RNF44: variants seen among roughly 807,000 people sequenced by gnomAD.
The protein encoded by RNF44 is ring finger protein 44.
Under a neutral mutation model 53.6 loss-of-function variants are expected in RNF44, and 25 were observed. The ratio of observed to expected loss-of-function variants is 0.47; its 90% confidence interval spans 0.34 to 0.65. The LOEUF is 0.65. Ranked by LOEUF, RNF44 falls within the 30% of genes least tolerant of loss-of-function variation. The probability of loss-of-function intolerance (pLI) is 0.01; values close to 1 mark genes in which losing one functional copy is unlikely to be tolerated. For missense variants in RNF44, 581 were observed against 595.5 expected (o/e 0.98, Z 0.25); for synonymous variants, 282 against 252.2 (o/e 1.12, Z -1.12).
intron 9 of RNF44, 52 bp downstream of exon 9, chr5:176,529,471 C>A: frequency 6.2e-7 from 1 of 1,608,636 alleles, no homozygotes; most frequent in Admixed American, 1.7e-5. Context: ...GAGGGGCGTC[C>A]CACGGCAGCC....
upstream of RNF44, among the ~76,000 whole-genome samples, chr5:176,540,579 G>A (rs990049140): frequency 2.6e-5 from 4 of 152,228 alleles, no homozygotes; most frequent in African/African-American, 9.6e-5. Flanking sequence ...CATGAGAGCA[G>A]AAGACCATCT....
chr5:176,529,033 C>T lies in RNF44; in HGVS notation c.1294G>A (p.Glu432Lys). The T allele has an allele frequency of 6.2e-7, 1 of 1,612,200 alleles. No individual in the cohort carries two copies. The highest frequency in any genetic ancestry group is 8.5e-7 in the Non-Finnish European group (1 of 1,179,726). Reference protein sequence around the residue: ...ADASEVPREAE With the variant: ...ADASEVPREAK Reference sequence around the variant, plus strand: ...GGGCAGGCGGCTGCGTGGCCTCACTCAGCCTCCCTGGGCACCTCGGAGGCG... The same window carrying T: ...GGGCAGGCGGCTGCGTGGCCTCACTTAGCCTCCCTGGGCACCTCGGAGGCG... Residue 432 changes from glutamate to lysine, a missense_variant, in exon 11 of 11, where the codon GAG (glutamate) becomes AAG (lysine). Transcript: ENST00000274811.
rs1437463992 is a variant in RNF44, at chr5:176,528,095, C to G, written c.*933G>C. ...GGCACACGCATGCATGCAGGCCGGC[C>G]AGCATGACCGTGCTCGGCCCCCTGG... On this transcript the variant is annotated 3_prime_UTR_variant, in exon 11 of 11. Coordinates refer to ENST00000274811, the MANE Select transcript of RNF44 (RefSeq NM_014901.5). 1 of 152,406 alleles carries G rather than the reference C, an allele frequency of 6.6e-6. No individual in the cohort carries two copies. The highest frequency in any genetic ancestry group is 1.5e-5 in the Non-Finnish European group (1 of 68,036). The allele number at this position is 152,406 out of a possible 1,614,324, so 9.4% of individuals were successfully genotyped here.
chr5:176,539,596 G>A (rs1349106520), upstream of RNF44, among the ~76,000 whole-genome samples: 2 of 152,068 alleles, frequency 1.3e-5, no homozygotes, highest in Non-Finnish European at 2.9e-5. Context: ...GCTGAGGCAG[G>A]AGAATCGCTT....
At chr5:176,539,987 A>G (rs1757411445), upstream of RNF44, among the ~76,000 whole-genome samples, 1 of 151,820 alleles carries the variant, frequency 6.6e-6, no homozygotes, top group Non-Finnish European at 1.5e-5. Flanking sequence ...CTGCCAATCC[A>G]TTTCACTTTT....
At chr5:176,530,542 G>C in intron 6 of RNF44, 40 bp downstream of exon 6, 1 of 1,389,786 alleles carries the variant, frequency 7.2e-7, no homozygotes, top group Non-Finnish European at 9.3e-7. Flanking sequence ...CTGCCTCCCA[G>C]CTGCCCTGGA....
intron 8 of RNF44, 21 bp from the exon 9 acceptor site, chr5:176,529,665 G>C (rs768670442): frequency 6.2e-7 from 1 of 1,613,244 alleles, no homozygotes; most frequent in Non-Finnish European, 8.5e-7. Flanking sequence ...GCAGGAGACG[G>C]GGTCAGCGGC....
In RNF44 at chr5:176,531,582, T is replaced by G. The variant is rs553268338; in HGVS notation, c.346A>C (p.Thr116Pro). 53 of 1,613,522 alleles carry G rather than the reference T, an allele frequency of 3.3e-5. No homozygotes were observed. The highest frequency in any genetic ancestry group is 3.2e-4 in the Admixed American group (19 of 59,960). Reference protein sequence around the residue: ...PLSYTVTTVTTQGFPLPTGQH... With the variant: ...PLSYTVTTVTPQGFPLPTGQH... ...CCTGTAGGCAAGGGGAAGCCTTGGGTCGTCACTGTGGTGACCGTGTAGGAC... is the reference window on the plus strand; with the variant it reads ...CCTGTAGGCAAGGGGAAGCCTTGGGGCGTCACTGTGGTGACCGTGTAGGAC... Residue 116 changes from threonine (T) to proline (P), a missense_variant, in exon 4 of 11, where the codon ACC becomes CCC. By Grantham distance (38) the Thr-to-Pro change is conservative (BLOSUM62 -1). Around this residue, in one of 3 missense-constraint regions of RNF44, gnomAD observed 387 missense variants for 366.0 expected, o/e 1.06. Coordinates refer to ENST00000274811, the MANE Select transcript of RNF44 (RefSeq NM_014901.5). The surrounding 1 kb of genome is among the most constrained non-coding windows in gnomAD (Gnocchi z 4.2).
upstream of RNF44, among the ~76,000 whole-genome samples, chr5:176,539,751 T>C (rs1757405335): frequency 6.6e-6 from 1 of 151,982 alleles, no homozygotes; most frequent in Non-Finnish European, 1.5e-5. Context: ...ACTGCCTGCC[T>C]GTCCTTATGG....
chr5:176,541,151 G>A (rs754476075), upstream of RNF44, among the ~76,000 whole-genome samples: 3 of 152,232 alleles, frequency 2.0e-5, no homozygotes, highest in African/African-American at 2.4e-5. Context: ...TCAGATGGGA[G>A]TGGCCCACCT....
chr5:176,531,799 G>A lies in RNF44; in HGVS notation c.298-169C>T, dbSNP rs967896084. The stretch of plus-strand genomic sequence containing the variant: ...CCTCTACTCCCAGGCCCCCGGGGCA[G>A]AGAAAGCCCCGTGGGAATCTAGCTC... On this transcript the variant is annotated intron_variant, in intron 3 of 10. Coordinates refer to ENST00000274811, the MANE Select transcript of RNF44 (RefSeq NM_014901.5). The surrounding 1 kb of genome is among the most constrained non-coding windows in gnomAD (Gnocchi z 4.2). The A allele has an allele frequency of 3.4e-6, 3 of 873,916 alleles. No homozygotes were observed. The East Asian group carries it at 8.1e-5, about 24-fold the overall frequency. The allele number at this position is 873,916 out of a possible 1,614,324, so 54.1% of individuals were successfully genotyped here.
chr5:176,532,227 A>C (rs766211329), intron 2 of RNF44, 34 bp from the exon 3 acceptor site: 1 of 1,491,754 alleles, frequency 6.7e-7, no homozygotes. Flanking sequence ...GATAGGACTG[A>C]GGGGGGCCAC....
intron 1 of RNF44, among the ~76,000 whole-genome samples, chr5:176,533,792 C>T (rs1018851030): frequency 1.2e-4 from 19 of 152,200 alleles, no homozygotes; most frequent in Non-Finnish European, 2.2e-4. Context: ...AAAGTTGGGA[C>T]GAGGCCCTGG....
Position 176,530,917 on chromosome 5 carries a change from T to TGGTGTGGGGGGGGGGGGGGGGGGGG in RNF44, c.569_570insCCCCCCCCCCCCCCCCCCCCACACC (p.Gln193ProfsTer147). On this transcript the variant is annotated frameshift_variant, in exon 5 of 11. Transcript: ENST00000274811. LOFTEE classifies it high-confidence loss of function. ...GCGCCATGTGGGTGGGCTGGGGGGG[T>TGGTGTGGGGGGGGGGGGGGGGGGGG]GGGGCCGGTGGTGGGGGGTGCAGGA... 4.3e-6 allele frequency: 1 copy of TGGTGTGGGGGGGGGGGGGGGGGGGG among 232,856 alleles called. No homozygotes were observed. Among genetic ancestry groups the TGGTGTGGGGGGGGGGGGGGGGGGGG allele is most frequent in the Non-Finnish European group, 7.0e-6 (1 of 143,578 alleles). 14.4% of individuals were successfully genotyped at this position (232,856 alleles called of 1,614,324 possible). A position where few individuals can be genotyped will look rare whatever the true frequency, so the allele number is the denominator to read the frequency against.
At chr5:176,540,313 C>G (rs1757419400), upstream of RNF44, among the ~76,000 whole-genome samples, 1 of 152,194 alleles carries the variant, frequency 6.6e-6, no homozygotes, top group Non-Finnish European at 1.5e-5. Flanking sequence ...TGAGGCCACA[C>G]AGTAAGACCA....
the RNF44 span, among the ~76,000 whole-genome samples, chr5:176,543,065 G>A: frequency 6.6e-6 from 1 of 152,000 alleles, no homozygotes; most frequent in Admixed American, 6.5e-5. This position sits in a 1 kb window ranked among gnomAD's most constrained non-coding sequence, Gnocchi z 4.0. Flanking sequence ...TTTGGACCTA[G>A]CGGACGGGGA....
intron 1 of RNF44, among the ~76,000 whole-genome samples, chr5:176,533,379 G>A (rs1056089031): frequency 3.9e-5 from 6 of 152,206 alleles, no homozygotes; most frequent in African/African-American, 1.4e-4. Context: ...GGAATGTATA[G>A]CTGGCCCATT....
At position 176,529,830 on chromosome 5, in the gene RNF44, C is replaced by G; in HGVS notation, c.927-12G>C. The G allele has an allele frequency of 6.3e-7, 1 of 1,585,430 alleles. No homozygotes were observed. Among genetic ancestry groups the G allele is most frequent in the Non-Finnish European group, 8.6e-7 (1 of 1,165,972 alleles). On this transcript the variant is annotated splice_polypyrimidine_tract_variant and intron_variant, in intron 7 of 10. Coordinates refer to ENST00000274811, the MANE Select transcript of RNF44 (RefSeq NM_014901.5). ...TTGGCAGCATCGAGCTAGAGAGAGA[C>G]AAGTGTGGGGGCCCAGGGTCAAGGT...
In RNF44 at chr5:176,530,712, A is replaced by G; in HGVS notation, c.671T>C (p.Leu224Pro). Residue 224 changes from leucine to proline, a missense_variant, in exon 6 of 11, where the codon CTG (leucine) becomes CCG (proline). Physicochemically the swap from Leu to Pro is moderately conservative, Grantham distance 98. Transcript: ENST00000274811. ...PLQRLDNDVD[L>P]RGDQPSLGSF... Reference sequence around the variant, plus strand: ...GCCCAGGGAGGGCTGGTCCCCACGCAGGTCCACGTCGTTGTCGAGCCGCTG... The same window carrying G: ...GCCCAGGGAGGGCTGGTCCCCACGCGGGTCCACGTCGTTGTCGAGCCGCTG... 6.5e-7 allele frequency: 1 copy of G among 1,550,218 alleles called. No homozygotes were observed.
Sources: allele counts gnomAD v4.1 joint callset (sites outside exome capture counted in the v4.1 genomes callset), GRCh38; gene constraint gnomAD v4.1.1; regional missense constraint gnomAD v4.1.1; non-coding constraint Gnocchi (gnomAD v3.1); transcripts MANE v1.5; gene names NCBI Gene and HGNC (gene_info 2026-07-23, HGNC 2026-07-21).